CTNNA3: variants seen among roughly 807,000 people sequenced by gnomAD.
The protein encoded by CTNNA3 is catenin alpha 3.
In CTNNA3, 76 loss-of-function variants were observed where a neutral mutation model predicts 95.7. That is an observed-to-expected ratio of 0.79 (90% CI 0.66 to 0.96). The LOEUF (loss-of-function observed/expected upper bound fraction) is 0.96. CTNNA3 is among the 40% of genes least tolerant of loss of function. The pLI, the probability that CTNNA3 is intolerant of heterozygous loss-of-function variation, is 0.00. For synonymous variants in CTNNA3, 431 were observed against 374.4 expected (o/e 1.15, Z -1.74); for missense variants, 1,191 against 1,089.8 (o/e 1.09, Z -1.31).
Position 66,421,897 on chromosome 10 carries a change from G to GATGTGTATATATATATATATATAT in CTNNA3, c.1532-42546_1532-42545insATATATATATATATATATACACAT. 6.5e-5 allele frequency among the ~76,000 whole-genome samples: 7 copies of GATGTGTATATATATATATATATAT among 108,150 alleles called. 1 individual carries two copies. Among genetic ancestry groups the GATGTGTATATATATATATATATAT allele is most frequent in the Admixed American group, 3.9e-4 (4 of 10,344 alleles). The allele number at this position is 108,150 out of a possible 152,430, so 71.0% of individuals were successfully genotyped here. ...TTTCTAAGAGCTTCATAATAAATGT[G>GATGTGTATATATATATATATATAT]ATATATATATATATATATACACACA... On this transcript the variant is annotated intron_variant, in intron 11 of 17. Coordinates refer to ENST00000433211, the MANE Select transcript of CTNNA3 (RefSeq NM_013266.4).
At chr10:66,048,373 G>A (rs1589292125) in intron 15 of CTNNA3, among the ~76,000 whole-genome samples, 1 of 152,094 alleles carries the variant, frequency 6.6e-6, no homozygotes, top group East Asian at 1.9e-4. Flanking sequence ...TAAGCAATGG[G>A]GGAATGACTC....
intron 13 of CTNNA3, among the ~76,000 whole-genome samples, chr10:66,239,977 A>T (rs1359404740): frequency 5.9e-5 from 9 of 152,034 alleles, no homozygotes; most frequent in Admixed American, 3.9e-4. Flanking sequence ...TACATGGTAT[A>T]GATATCTATG....
chr10:67,062,952 A>G (rs1855848387), intron 7 of CTNNA3, among the ~76,000 whole-genome samples: 1 of 152,016 alleles, frequency 6.6e-6, no homozygotes, highest in Non-Finnish European at 1.5e-5. Flanking sequence ...GCTCTCTCAT[A>G]TGCTGAGAGT....
At chr10:67,372,779 C>T (rs374773422) in intron 5 of CTNNA3, among the ~76,000 whole-genome samples, 31 of 152,248 alleles carry the variant, frequency 2.0e-4, no homozygotes, top group African/African-American at 6.5e-4. Flanking sequence ...GCAGATCTCT[C>T]GGCAGAAACT....
intron 5 of CTNNA3, among the ~76,000 whole-genome samples, chr10:67,363,188 T>C (rs1254680432): frequency 6.6e-6 from 1 of 151,340 alleles, no homozygotes; most frequent in Non-Finnish European, 1.5e-5. Context: ...AATGGCCATA[T>C]TGCCCAAAGC....
chr10:66,901,894 T>C (rs950197278), intron 7 of CTNNA3, among the ~76,000 whole-genome samples: 6 of 152,186 alleles, frequency 3.9e-5, no homozygotes, highest in African/African-American at 1.4e-4. Flanking sequence ...TGTAGAGACC[T>C]ACAAAGAGAC....
chr10:66,151,485 T>A (rs1201349264), intron 13 of CTNNA3, among the ~76,000 whole-genome samples: 1 of 151,936 alleles, frequency 6.6e-6, no homozygotes, highest in Non-Finnish European at 1.5e-5. Context: ...TTTCTTATGT[T>A]TGGTAACATG....
chr10:67,249,257 T>C (rs1249894081), intron 5 of CTNNA3, among the ~76,000 whole-genome samples: 1 of 152,100 alleles, frequency 6.6e-6, no homozygotes, highest in Non-Finnish European at 1.5e-5. Flanking sequence ...CAATTACTCA[T>C]TAAAAAATGG....
intron 5 of CTNNA3, among the ~76,000 whole-genome samples, chr10:67,343,954 T>C (rs1842315540): frequency 6.7e-6 from 1 of 148,382 alleles, no homozygotes; most frequent in South Asian, 2.1e-4. Context: ...AATTATACTT[T>C]ATTTTATTAT....
At chr10:66,108,803 C>A (rs548770024) in intron 13 of CTNNA3, among the ~76,000 whole-genome samples, 1 of 152,254 alleles carries the variant, frequency 6.6e-6, no homozygotes, top group South Asian at 2.1e-4. Flanking sequence ...TGATCAATTT[C>A]ACAAGAAAAT....
intron 13 of CTNNA3, among the ~76,000 whole-genome samples, chr10:66,106,765 A>G (rs1210595997): frequency 6.6e-6 from 1 of 152,162 alleles, no homozygotes; most frequent in Non-Finnish European, 1.5e-5. Context: ...CCAAATTTTA[A>G]TCACCTTTAT....
rs75119899 is a variant in CTNNA3 at position 66,112,747 on chromosome 10, C to T, written c.1885-9498G>A. ...TATTTGCCTTTCTGCTAATGGCTTA[C>T]TTCACTTAGAATAATGTCCCCAAGG... is the stretch of plus-strand genomic sequence containing the variant. On this transcript the variant is annotated intron_variant, in intron 13 of 17. Transcript: ENST00000433211. Among the ~76,000 whole-genome samples, 57 of 152,182 alleles carry T rather than the reference C, an allele frequency of 3.7e-4. No individual in the cohort carries two copies. In the Middle Eastern group the frequency reaches 0.01, roughly 27 times the overall value.
intron 17 of CTNNA3, among the ~76,000 whole-genome samples, chr10:65,927,922 A>G (rs2077191746): frequency 1.3e-5 from 2 of 152,162 alleles, no homozygotes; most frequent in South Asian, 4.1e-4. Flanking sequence ...GCAATGTATG[A>G]GCATTATAGT....
rs1436150212 is a variant in CTNNA3, at chr10:66,836,172, G to C, written c.1048-60648C>G. ...CTACAACATGATGTCACTGAGCTGAGAGTTAGGTAGAGGTGTACACAGTCC... is the reference window on the plus strand; with the variant it reads ...CTACAACATGATGTCACTGAGCTGACAGTTAGGTAGAGGTGTACACAGTCC... On this transcript the variant is annotated intron_variant, in intron 7 of 17. Transcript: ENST00000433211. 2.0e-5 allele frequency among the ~76,000 whole-genome samples: 3 copies of C among 152,132 alleles called. No individual in the cohort carries two copies. The South Asian group carries it at 6.2e-4, about 32-fold the overall frequency.
chr10:66,070,815 T>C lies in CTNNA3; in HGVS notation c.1978-1326A>G, dbSNP rs569468768. 2.6e-5 allele frequency among the ~76,000 whole-genome samples: 4 copies of C among 152,266 alleles called. No homozygotes were observed. The East Asian group carries it at 7.7e-4, about 29-fold the overall frequency. On this transcript the variant is annotated intron_variant, in intron 14 of 17. Transcript: ENST00000433211. ...TATTGGATAAGATTGCGACTGACCC[T>C]GTTGTGGACAGGGAGCTCATTGGTT...
At chr10:66,393,342 G>A (rs2092948720) in intron 11 of CTNNA3, among the ~76,000 whole-genome samples, 1 of 151,984 alleles carries the variant, frequency 6.6e-6, no homozygotes, top group Non-Finnish European at 1.5e-5. Context: ...ACAACACAAG[G>A]TGAAGCCTAC....
intron 7 of CTNNA3, among the ~76,000 whole-genome samples, chr10:67,142,700 G>A (rs943884707): frequency 2.0e-5 from 3 of 152,140 alleles, no homozygotes; most frequent in Admixed American, 6.5e-5. Context: ...TTGGGAGGCC[G>A]AGGCGAGTGG....
chr10:67,255,434 A>G (rs890570753), intron 5 of CTNNA3, among the ~76,000 whole-genome samples: 2 of 152,202 alleles, frequency 1.3e-5, no homozygotes, highest in Non-Finnish European at 2.9e-5. Flanking sequence ...ACAACTTAAG[A>G]TTCCAACAAT....
At chr10:66,649,778 C>T (rs1334159665) in intron 9 of CTNNA3, among the ~76,000 whole-genome samples, 1 of 152,234 alleles carries the variant, frequency 6.6e-6, no homozygotes, top group Admixed American at 6.5e-5. Context: ...GCAAGCCCTA[C>T]CAGCCCTGGC....
Sources: gnomAD v4.1 joint callset for allele counts (sites outside exome capture counted in the v4.1 genomes callset) on GRCh38, gnomAD v4.1.1 for gene constraint, MANE v1.5 for transcripts, NCBI Gene and HGNC (gene_info 2026-07-23, HGNC 2026-07-21) for gene names.